Variants in PPM1E observed in about 807,000 individuals in gnomAD.
PPM1E encodes the protein protein phosphatase 1E.
Under a neutral mutation model 65.9 loss-of-function variants are expected in PPM1E, and 20 were observed. The observed-to-expected ratio is 0.30, with a 90% confidence interval of 0.21 to 0.44. The LOEUF is 0.44. PPM1E is among the 20% of genes least tolerant of loss of function. PPM1E has a pLI of 1.00. For missense variants in PPM1E, 713 were observed against 953.1 expected (o/e 0.75, Z 3.32); for synonymous variants, 352 against 374.9 (o/e 0.94, Z 0.70).
chr17:58,977,504 G>A (rs1259419129), intron 6 of PPM1E, among the ~76,000 whole-genome samples: 2 of 151,762 alleles, frequency 1.3e-5, no homozygotes, highest in African/African-American at 4.8e-5. Context: ...TGAGTAAGAT[G>A]AGAGGTTGTG....
chr17:58,807,045 TA>T (rs904579256), intron 1 of PPM1E, among the ~76,000 whole-genome samples: 2 of 151,882 alleles, frequency 1.3e-5, no homozygotes, highest in Admixed American at 6.6e-5. Context: ...ATGGTTGCAT[TA>T]AAAAAAATTT....
intron 1 of PPM1E, among the ~76,000 whole-genome samples, chr17:58,838,830 A>G (rs2050688807): frequency 6.6e-6 from 1 of 152,224 alleles, no homozygotes; most frequent in African/African-American, 2.4e-5. Context: ...ACATTCATAC[A>G]ATGGAATGTT....
At chr17:58,849,586 G>T (rs766698067) in intron 1 of PPM1E, among the ~76,000 whole-genome samples, 3 of 152,172 alleles carry the variant, frequency 2.0e-5, no homozygotes, top group African/African-American at 7.2e-5. Flanking sequence ...GCGGTTTTCA[G>T]TGAGTTTCTT....
intron 1 of PPM1E, among the ~76,000 whole-genome samples, chr17:58,826,980 G>A (rs1411115068): frequency 6.6e-6 from 1 of 151,798 alleles, no homozygotes; most frequent in Non-Finnish European, 1.5e-5. Context: ...TTTACTTATA[G>A]GAATGATGGA....
chr17:58,802,269 C>T (rs1012682141), intron 1 of PPM1E, among the ~76,000 whole-genome samples: 5 of 152,076 alleles, frequency 3.3e-5, no homozygotes, highest in Non-Finnish European at 7.4e-5. Context: ...GTTTTCCTAC[C>T]ACCATTTATT....
Position 58,858,269 on chromosome 17 carries a change from G to T in PPM1E, c.465-97380G>T, listed in dbSNP as rs567470647. ...TATAATGTATAGTGATCTTATCAGG[G>T]TAATTAGTGTATCATTTCAAATGTT... On this transcript the variant is annotated intron_variant, in intron 1 of 6. Transcript: ENST00000308249. 7.9e-4 allele frequency among the ~76,000 whole-genome samples: 120 copies of T among 152,120 alleles called. 1 individual carries two copies. The Middle Eastern group carries it at 0.01, about 13-fold the overall frequency.
rs184553279 is a variant in PPM1E, at chr17:58,853,104, A to C, written c.464+96643A>C. ...TGATGCACAACATTTTTAAATTTTC[A>C]TAAAGTCCAGTTTGTCTATTTTGTT... is the stretch of plus-strand genomic sequence containing the variant. On this transcript the variant is annotated intron_variant, in intron 1 of 6. Coordinates refer to ENST00000308249, the MANE Select transcript of PPM1E (RefSeq NM_014906.5). Among the ~76,000 whole-genome samples, 54 of 152,276 alleles carry C rather than the reference A, an allele frequency of 3.5e-4. 1 individual carries two copies. The South Asian group carries it at 9.9e-3, about 28-fold the overall frequency.
chr17:58,933,966 G>A (rs953931355), intron 1 of PPM1E, among the ~76,000 whole-genome samples: 2 of 151,708 alleles, frequency 1.3e-5, no homozygotes, highest in African/African-American at 4.8e-5. Flanking sequence ...GTGGCGGCAC[G>A]CGCCTGTAAT....
intron 1 of PPM1E, among the ~76,000 whole-genome samples, chr17:58,829,365 A>G (rs2050576211): frequency 6.6e-6 from 1 of 152,126 alleles, no homozygotes; most frequent in Non-Finnish European, 1.5e-5. Context: ...TCTTTATTGT[A>G]TAACCTTTTG....
Position 58,842,265 on chromosome 17 carries a change from G to A in PPM1E, c.464+85804G>A, listed in dbSNP as rs187183792. Among the ~76,000 whole-genome samples, 26 of 152,278 alleles carry A rather than the reference G, an allele frequency of 1.7e-4. No individual in the cohort carries two copies. The East Asian group carries it at 4.6e-3, about 27-fold the overall frequency. ...CAATCACAGCTAAGAGACACCTAAG[G>A]AGACGCGACAAGTAAACGTAATATA... On this transcript the variant is annotated intron_variant, in intron 1 of 6. Coordinates refer to ENST00000308249, the MANE Select transcript of PPM1E (RefSeq NM_014906.5).
chr17:58,982,597 A>G lies in PPM1E; in HGVS notation c.*1566A>G, dbSNP rs2143845201. The G allele has an allele frequency of 3.4e-6, 1 of 294,530 alleles. No homozygotes were observed. Among genetic ancestry groups the G allele is most frequent in the Non-Finnish European group, 6.3e-6 (1 of 158,090 alleles). The allele number at this position is 294,530 out of a possible 1,614,324, so 18.2% of individuals were successfully genotyped here. On this transcript the variant is annotated 3_prime_UTR_variant, in exon 7 of 7. Coordinates refer to ENST00000308249, the MANE Select transcript of PPM1E (RefSeq NM_014906.5). Reference sequence around the variant, plus strand: ...GACACAGATGACTGGCATATTTTGGATACCAGTATAGCTATATCAAATAGA... The same window carrying G: ...GACACAGATGACTGGCATATTTTGGGTACCAGTATAGCTATATCAAATAGA...
chr17:58,844,451 A>C, intron 1 of PPM1E, among the ~76,000 whole-genome samples: 1 of 152,186 alleles, frequency 6.6e-6, no homozygotes, highest in East Asian at 1.9e-4. Context: ...AGAGATTAAA[A>C]ACTATCTAGA....
intron 1 of PPM1E, among the ~76,000 whole-genome samples, chr17:58,924,208 CTG>C (rs2051793788): frequency 7.0e-6 from 1 of 142,574 alleles, no homozygotes; most frequent in African/African-American, 2.6e-5. Flanking sequence ...GTGTGAGCCA[CTG>C]TGCCTGGCCG....
At chr17:58,962,226 G>A (rs1598681552) in intron 2 of PPM1E, among the ~76,000 whole-genome samples, 1 of 151,518 alleles carries the variant, frequency 6.6e-6, no homozygotes, top group Non-Finnish European at 1.5e-5. Flanking sequence ...GGAGGTTGTG[G>A]TGAGCCGAGA....
Position 58,923,746 on chromosome 17 carries a change from CAAAAAAA to C in PPM1E, c.465-31891_465-31885del, listed in dbSNP as rs531852494. On this transcript the variant is annotated intron_variant, in intron 1 of 6. Transcript: ENST00000308249. ...TGGGTGACAGAGTAAGACTTCGTCTCAAAAAAAAAAAAAAAAAAGTCATTTGGACATG... is the reference window on the plus strand; with the variant it reads ...TGGGTGACAGAGTAAGACTTCGTCTCAAAAAAAAAAAGTCATTTGGACATG... Among the ~76,000 whole-genome samples the C allele has an allele frequency of 3.4e-4, 21 of 62,390 alleles. No individual in the cohort carries two copies. In the East Asian group the frequency reaches 9.2e-3, roughly 27 times the overall value. 40.9% of individuals were successfully genotyped at this position (62,390 alleles called of 152,430 possible). A position where few individuals can be genotyped will look rare whatever the true frequency, so the allele number is the denominator to read the frequency against.
chr17:58,796,164 C>T (rs1431338994), intron 1 of PPM1E, among the ~76,000 whole-genome samples: 3 of 152,124 alleles, frequency 2.0e-5, no homozygotes, highest in Non-Finnish European at 1.5e-5. Flanking sequence ...TTCCGTTAGC[C>T]TCTGGACTGG....
At chr17:58,973,768 C>T (rs1014534446) in intron 6 of PPM1E, among the ~76,000 whole-genome samples, 3 of 151,800 alleles carry the variant, frequency 2.0e-5, no homozygotes, top group East Asian at 1.9e-4. Context: ...CTGGCTAACA[C>T]GATGAATCCC....
At chr17:58,906,713 C>T (rs1305811420) in intron 1 of PPM1E, among the ~76,000 whole-genome samples, 3 of 151,912 alleles carry the variant, frequency 2.0e-5, no homozygotes, top group Admixed American at 2.0e-4. Flanking sequence ...TTTCCTTCTG[C>T]TTTCTTTGGA....
At chr17:58,921,210 T>G (rs924757627) in intron 1 of PPM1E, among the ~76,000 whole-genome samples, 3 of 152,202 alleles carry the variant, frequency 2.0e-5, no homozygotes, top group Admixed American at 6.5e-5. Context: ...AGATTGCTCT[T>G]TCATGTTTGA....
Sources: allele counts gnomAD v4.1 joint callset (sites outside exome capture counted in the v4.1 genomes callset), GRCh38; gene constraint gnomAD v4.1.1; transcripts MANE v1.5; gene names NCBI Gene and HGNC (gene_info 2026-07-23, HGNC 2026-07-21).